The following LPIN1 variants were observed in gnomAD, a reference collection of about 807,000 sequenced individuals.
The protein encoded by LPIN1 is phosphatidate phosphatase LPIN1.
Under a neutral mutation model 107.5 loss-of-function variants are expected in LPIN1, and 71 were observed. The ratio of observed to expected loss-of-function variants is 0.66; its 90% confidence interval spans 0.55 to 0.80. LPIN1 has a LOEUF of 0.80. Among genes scored for constraint, LPIN1 ranks in the 30% least tolerant of loss-of-function variants. LPIN1 has a pLI of 0.00. For synonymous variants in LPIN1, 445 were observed against 452.6 expected (o/e 0.98, Z 0.21); for missense variants, 1,043 against 1,160.6 (o/e 0.90, Z 1.47).
chr2:11,710,248 A>G (rs1351113957), intron 1 of LPIN1, among the ~76,000 whole-genome samples: 1 of 152,174 alleles, frequency 6.6e-6, no homozygotes, highest in Non-Finnish European at 1.5e-5. Flanking sequence ...TACAACTTCA[A>G]TATATGCATT....
At chr2:11,723,867 G>T (rs896397338), upstream of LPIN1, 4 of 152,248 alleles carry the variant, frequency 2.6e-5, no homozygotes, top group South Asian at 8.3e-4. Flanking sequence ...TTCAAAAATT[G>T]TATACTGTAA....
intron 1 of LPIN1, among the ~76,000 whole-genome samples, chr2:11,725,952 T>A (rs1194146095): frequency 6.6e-6 from 1 of 151,820 alleles, no homozygotes; most frequent in Non-Finnish European, 1.5e-5. Flanking sequence ...GGATCAGGAG[T>A]TAACGCACGG....
chr2:11,714,918 G>A (rs572023079), intron 2 of LPIN1, among the ~76,000 whole-genome samples: 61 of 152,348 alleles, frequency 4.0e-4, no homozygotes, highest in African/African-American at 1.5e-3. Flanking sequence ...TCGTCGTTGA[G>A]ACGAATCCAG....
intron 2 of LPIN1, among the ~76,000 whole-genome samples, chr2:11,718,507 A>G (rs572972069): frequency 3.3e-5 from 5 of 152,302 alleles, no homozygotes; most frequent in Admixed American, 3.3e-4. Flanking sequence ...CTGGGATTAC[A>G]GGTGTGTGGA....
intron 1 of LPIN1, among the ~76,000 whole-genome samples, chr2:11,688,255 A>G (rs1662103769): frequency 1.3e-5 from 2 of 152,112 alleles, no homozygotes; most frequent in Admixed American, 6.6e-5. Context: ...TCTTTTTCCT[A>G]CATCAACCCT....
intron 12 of LPIN1, among the ~76,000 whole-genome samples, chr2:11,790,802 T>C (rs1675585606): frequency 6.6e-6 from 1 of 152,254 alleles, no homozygotes; most frequent in African/African-American, 2.4e-5. Context: ...TGCATTCTTT[T>C]AGTTACCATA....
At chr2:11,724,373 G>A (rs1338113291) in exon 1 of LPIN1, 4 of 986,184 alleles carry the variant, frequency 4.1e-6, no homozygotes, top group Non-Finnish European at 4.8e-6. Flanking sequence ...GAGGGAGAGA[G>A]GATGGGAGGC....
chr2:11,752,449 T>TTTTTTTTTTTA (rs3035995), intron 1 of LPIN1, among the ~76,000 whole-genome samples: 3 of 103,310 alleles, frequency 2.9e-5, no homozygotes, highest in Non-Finnish European at 1.9e-5. Flanking sequence ...TTTTTTTTTT[T>TTTTTTTTTTTA]GAGACGGAGT....
chr2:11,764,089 TATATATATATATATACACAC>T (rs1670362689), intron 1 of LPIN1: 1 of 116,314 alleles, frequency 8.6e-6, no homozygotes, highest in Non-Finnish European at 1.7e-5. Flanking sequence ...TATATATATA[TATATATATATATATACACAC>T]ACACACACAC....
rs1213302258 is a variant in LPIN1 at position 11,765,994 on chromosome 2, G to A, written c.192+261G>A. ...AATTTAGGCAGAGCACAGTGGGGTGGTTTGTCTCTGCTCTCTGGGGCCTCA... is the reference window on the plus strand; with the variant it reads ...AATTTAGGCAGAGCACAGTGGGGTGATTTGTCTCTGCTCTCTGGGGCCTCA... On this transcript the variant is annotated intron_variant, in intron 2 of 20. Coordinates refer to ENST00000674199, the MANE Select transcript of LPIN1 (RefSeq NM_001349206.2). The surrounding 1 kb of genome is among the most constrained non-coding windows in gnomAD (Gnocchi z 4.4). 2.0e-5 allele frequency among the ~76,000 whole-genome samples: 3 copies of A among 152,236 alleles called. 1 individual carries two copies. The highest frequency in any genetic ancestry group is 4.8e-5 in the African/African-American group (2 of 41,470).
At chr2:11,705,641 T>G (rs922993055) in intron 1 of LPIN1, among the ~76,000 whole-genome samples, 1 of 151,934 alleles carries the variant, frequency 6.6e-6, no homozygotes, top group Non-Finnish European at 1.5e-5. Context: ...TGGGGCTGGA[T>G]GTAGTAAGCT....
intron 17 of LPIN1, among the ~76,000 whole-genome samples, chr2:11,812,710 A>G (rs777430149): frequency 2.6e-5 from 4 of 152,166 alleles, no homozygotes; most frequent in Admixed American, 6.5e-5. Flanking sequence ...TGTTGGTCTT[A>G]TAGGCCACAG....
At chr2:11,808,253 A>G (rs1405883266) in intron 17 of LPIN1, among the ~76,000 whole-genome samples, 1 of 152,152 alleles carries the variant, frequency 6.6e-6, no homozygotes, top group Non-Finnish European at 1.5e-5. Flanking sequence ...ACACGATGGC[A>G]GCCTCCAGAG....
chr2:11,695,214 CAGT>C (rs545708606), intron 1 of LPIN1, among the ~76,000 whole-genome samples: 4 of 152,264 alleles, frequency 2.6e-5, no homozygotes, highest in African/African-American at 9.6e-5. Flanking sequence ...ACATGGTGGG[CAGT>C]TCATAAACAA....
At chr2:11,704,664 G>T (rs1663039491) in intron 1 of LPIN1, among the ~76,000 whole-genome samples, 1 of 152,146 alleles carries the variant, frequency 6.6e-6, no homozygotes, top group Non-Finnish European at 1.5e-5. Flanking sequence ...CATGCATCCA[G>T]CCCCTCATTG....
At chr2:11,782,126 G>A (rs1276816004) in intron 7 of LPIN1, 75 bp from the exon 8 acceptor site, 7 of 1,099,010 alleles carry the variant, frequency 6.4e-6, no homozygotes, top group Non-Finnish European at 8.4e-6. Context: ...TGTTCTCCTT[G>A]GGTCACTCAG....
upstream of LPIN1, among the ~76,000 whole-genome samples, chr2:11,720,070 T>G (rs1664022114): frequency 6.6e-6 from 1 of 152,168 alleles, no homozygotes; most frequent in Non-Finnish European, 1.5e-5. Context: ...ACATTATATA[T>G]TTACTAGCTC....
chr2:11,683,863 G>C (rs1050755300), intron 1 of LPIN1, among the ~76,000 whole-genome samples: 1 of 152,194 alleles, frequency 6.6e-6, no homozygotes, highest in East Asian at 1.9e-4. Context: ...CTTCTAAACT[G>C]AGCTGTGACC....
intron 1 of LPIN1, chr2:11,713,625 C>A (rs1663545407): frequency 1.7e-6 from 1 of 587,064 alleles, no homozygotes; most frequent in Non-Finnish European, 3.0e-6. Context: ...GCCTACATAC[C>A]ACCGAATTCA....
Sources: allele counts gnomAD v4.1 joint callset (sites outside exome capture counted in the v4.1 genomes callset), GRCh38; gene constraint gnomAD v4.1.1; non-coding constraint Gnocchi (gnomAD v3.1); transcripts MANE v1.5; gene names NCBI Gene and HGNC (gene_info 2026-07-23, HGNC 2026-07-21).